The following RANBP2 variants were observed in gnomAD, a reference collection of about 807,000 sequenced individuals.
RANBP2 encodes the protein RAN binding protein 2, also known as E3 SUMO-protein ligase RanBP2.
A neutral mutation model predicts 303.6 loss-of-function variants in RANBP2; 57 were observed. The ratio of observed to expected loss-of-function variants is 0.19; its 90% CI spans 0.15 to 0.23. The LOEUF is 0.23. RANBP2 is among the 10% of genes least tolerant of loss of function. RANBP2 has a pLI of 1.00. For synonymous variants in RANBP2, 1,167 were observed against 1,301.5 expected (o/e 0.90, Z 2.23); for missense variants, 3,138 against 3,780.8 (o/e 0.83, Z 4.46).
the RANBP2 span, among the ~76,000 whole-genome samples, chr2:109,625,158 G>A: frequency 2.0e-5 from 3 of 150,354 alleles, no homozygotes; most frequent in African/African-American, 4.9e-5. Context: ...AGGCCCCTCC[G>A]AGTCCTACTA....
chr2:108,812,520 T>C, the RANBP2 span: 2 of 753,344 alleles, frequency 2.7e-6, no homozygotes, highest in Admixed American at 2.5e-5. Context: ...TGTCTCTGTT[T>C]TGTTACATTG....
the RANBP2 span, among the ~76,000 whole-genome samples, chr2:109,375,591 G>A: frequency 6.6e-6 from 1 of 152,256 alleles, no homozygotes; most frequent in Non-Finnish European, 1.5e-5. Flanking sequence ...TGTTCTAAGG[G>A]GAGTGAGGAT....
chr2:109,153,985 G>A, the RANBP2 span, among the ~76,000 whole-genome samples: 1 of 152,206 alleles, frequency 6.6e-6, no homozygotes, highest in Non-Finnish European at 1.5e-5. Flanking sequence ...AGCCAAATTT[G>A]GGCGGCAGCC....
Position 108,753,104 on chromosome 2 carries a change from G to A in RANBP2, c.1862G>A (p.Ser621Asn), listed in dbSNP as rs1298841292. The change falls in exon 13 of 29, where the codon AGT (serine) becomes AAT (asparagine). Residue 621 changes from serine (S) to asparagine (N), a missense_variant. Ser to Asn is a conservative substitution (Grantham distance 46). Transcript: ENST00000283195. ...TTGAAGATAATAAAAAAGAAGAACA[G>A]TATTCCTGAACCTATTGATCCTCTG... The part of the protein sequence containing the change: ...PLLKIIKKKN[S>N]IPEPIDPLFK... 8 of 1,610,472 alleles carry A rather than the reference G, an allele frequency of 5.0e-6. No individual in the cohort carries two copies. Among genetic ancestry groups the A allele is most frequent in the African/African-American group, 1.3e-5 (1 of 74,660 alleles).
the RANBP2 span, among the ~76,000 whole-genome samples, chr2:108,851,224 C>T: frequency 6.6e-6 from 1 of 152,164 alleles, no homozygotes; most frequent in Admixed American, 6.5e-5. Context: ...TGGAGCACCA[C>T]GCTCCAGAAA....
At chr2:109,199,632 T>TCAACGCGA in the RANBP2 span, among the ~76,000 whole-genome samples, 1 of 68 alleles carries the variant, frequency 0.015, no homozygotes, top group Non-Finnish European at 0.042. Flanking sequence ...TGGAATGGAA[T>TCAACGCGA]GGAATGGAAT....
the RANBP2 span, among the ~76,000 whole-genome samples, chr2:109,696,098 C>T: frequency 1.2e-4 from 18 of 151,672 alleles, no homozygotes; most frequent in African/African-American, 3.4e-4. Flanking sequence ...CAAGTAGCTG[C>T]GATTACAGGC....
chr2:108,730,628 C>G, intron 2 of RANBP2, 146 bp from the exon 3 acceptor site: 1 of 1,145,762 alleles, frequency 8.7e-7, no homozygotes, highest in Non-Finnish European at 1.3e-6. Flanking sequence ...ATGAGTACTT[C>G]TGAGTTATCT....
the RANBP2 span, among the ~76,000 whole-genome samples, chr2:109,385,739 G>A: frequency 1.3e-5 from 2 of 152,224 alleles, no homozygotes; most frequent in African/African-American, 4.8e-5. Context: ...AGCCAGCCCT[G>A]CCAGGGTGGA....
the RANBP2 span, among the ~76,000 whole-genome samples, chr2:109,080,418 G>A: frequency 6.6e-6 from 1 of 152,162 alleles, no homozygotes; most frequent in Admixed American, 6.5e-5. Flanking sequence ...AGTGTCGGAG[G>A]GATGGAATAA....
At chr2:109,493,953 G>A in the RANBP2 span, among the ~76,000 whole-genome samples, 4 of 151,904 alleles carry the variant, frequency 2.6e-5, no homozygotes, top group African/African-American at 4.8e-5. Flanking sequence ...AGTCTCCTCC[G>A]CATCAGAACC....
At chr2:109,078,096 A>ATATATATATATGGCG in the RANBP2 span, among the ~76,000 whole-genome samples, 2 of 54,652 alleles carry the variant, frequency 3.7e-5, no homozygotes, top group African/African-American at 2.1e-4. Flanking sequence ...ATATATATAT[A>ATATATATATATGGCG]TATATATATA....
the RANBP2 span, among the ~76,000 whole-genome samples, chr2:109,050,863 G>A: frequency 6.6e-6 from 1 of 152,124 alleles, no homozygotes; most frequent in South Asian, 2.1e-4. Context: ...ACCACGTATA[G>A]TGTACTATGT....
At chr2:109,336,882 G>T in the RANBP2 span, among the ~76,000 whole-genome samples, 2 of 152,150 alleles carry the variant, frequency 1.3e-5, no homozygotes, top group African/African-American at 4.8e-5. Context: ...GAAGAATTCT[G>T]CTCAGTTCCT....
the RANBP2 span, among the ~76,000 whole-genome samples, chr2:109,514,091 G>A: frequency 6.6e-6 from 1 of 152,176 alleles, no homozygotes; most frequent in African/African-American, 2.4e-5. Flanking sequence ...CCTTAGAAAG[G>A]CAGTAAGCCT....
the RANBP2 span, among the ~76,000 whole-genome samples, chr2:109,030,945 A>G: frequency 1.3e-5 from 2 of 152,156 alleles, no homozygotes; most frequent in Non-Finnish European, 2.9e-5. Context: ...AATAATTGGT[A>G]TATATACTCA....
the RANBP2 span, among the ~76,000 whole-genome samples, chr2:108,904,200 A>G: frequency 6.6e-6 from 1 of 152,172 alleles, no homozygotes; most frequent in Non-Finnish European, 1.5e-5. Context: ...CACACAGATG[A>G]AAAAAACACA....
At chr2:109,241,158 A>G in the RANBP2 span, among the ~76,000 whole-genome samples, 1 of 152,246 alleles carries the variant, frequency 6.6e-6, no homozygotes, top group African/African-American at 2.4e-5. Flanking sequence ...GATGACAAGA[A>G]GAGAGCGAAA....
the RANBP2 span, among the ~76,000 whole-genome samples, chr2:109,077,933 A>G: frequency 1.4e-4 from 21 of 148,190 alleles, 2 homozygotes; most frequent in South Asian, 4.3e-3. Context: ...AAACTATCAT[A>G]TGATTCAGCA....
Sources: allele counts gnomAD v4.1 joint callset (sites outside exome capture counted in the v4.1 genomes callset), GRCh38; gene constraint gnomAD v4.1.1; transcripts MANE v1.5; gene names NCBI Gene and HGNC (gene_info 2026-07-23, HGNC 2026-07-21).